Variants in SMOX observed in about 807,000 individuals in gnomAD.
SMOX encodes the protein spermine oxidase.
A neutral mutation model predicts 51.0 loss-of-function variants in SMOX; 22 were observed. That is an observed-to-expected ratio of 0.43 (90% confidence interval 0.31 to 0.62). SMOX has a LOEUF of 0.62. Ranked by LOEUF, SMOX falls within the 20% of genes least tolerant of loss-of-function variation. The pLI is 0.10. For missense variants in SMOX, 566 were observed against 777.7 expected (o/e 0.73, Z 3.24); for synonymous variants, 282 against 307.8 (o/e 0.92, Z 0.88).
intron 1 of SMOX, among the ~76,000 whole-genome samples, chr20:4,163,023 G>T (rs1986405966): frequency 6.6e-6 from 1 of 152,196 alleles, no homozygotes; most frequent in African/African-American, 2.4e-5. Flanking sequence ...GGCAGCAGCG[G>T]GGTGGAGGGA....
Position 4,181,411 on chromosome 20 carries a change from T to C in SMOX, c.436-392T>C, listed in dbSNP as rs1018932084. Reference sequence around the variant, plus strand: ...GCAGGGGTGGCAGGGAAAGTGCACGTATCGTTCTTGGAACAGGTAAATGTG... The same window carrying C: ...GCAGGGGTGGCAGGGAAAGTGCACGCATCGTTCTTGGAACAGGTAAATGTG... On this transcript the variant is annotated intron_variant, in intron 3 of 6. Coordinates refer to ENST00000305958, the MANE Select transcript of SMOX (RefSeq NM_175839.3). This position sits in a 1 kb window ranked among gnomAD's most constrained non-coding sequence, Gnocchi z 5.6. Among the ~76,000 whole-genome samples the C allele has an allele frequency of 1.3e-5, 2 of 152,148 alleles. No individual in the cohort carries two copies. The highest frequency in any genetic ancestry group is 2.4e-5 in the African/African-American group (1 of 41,434).
At position 4,175,269 on chromosome 20, in the gene SMOX, T is replaced by A; in HGVS notation, c.208+6T>A. On this transcript the variant is annotated splice_donor_region_variant and intron_variant, in intron 2 of 6. Coordinates refer to ENST00000305958, the MANE Select transcript of SMOX (RefSeq NM_175839.3). The stretch of plus-strand genomic sequence containing the variant: ...TGTGCAGAGTGTGAAACTTGGTAAG[T>A]GCCACCCAGTCCAGCCCAGCCACCT... 6.2e-7 allele frequency: 1 copy of A among 1,613,504 alleles called. No individual in the cohort carries two copies. Among genetic ancestry groups the A allele is most frequent in the Non-Finnish European group, 8.5e-7 (1 of 1,179,618 alleles).
At chr20:4,161,144 C>T (rs1230466294) in intron 1 of SMOX, among the ~76,000 whole-genome samples, 1 of 152,182 alleles carries the variant, frequency 6.6e-6, no homozygotes, top group Non-Finnish European at 1.5e-5. Context: ...GGAGAAGCCC[C>T]ACCGGGAAGC....
At position 4,181,533 on chromosome 20, in the gene SMOX, A is replaced by C. The variant is rs1979317968; in HGVS notation, c.436-270A>C. Among the ~76,000 whole-genome samples the C allele has an allele frequency of 6.6e-6, 1 of 152,190 alleles. No homozygotes were observed. Among genetic ancestry groups the C allele is most frequent in the African/African-American group, 2.4e-5 (1 of 41,446 alleles). ...TTTCCCACAGACTGTATGGGCACCA[A>C]ATGTTTCACATTGTCCTAAGTGAGG... On this transcript the variant is annotated intron_variant, in intron 3 of 6. Transcript: ENST00000305958. The surrounding 1 kb of genome is among the most constrained non-coding windows in gnomAD (Gnocchi z 5.6).
At chr20:4,174,324 G>C (rs28476650) in intron 1 of SMOX, among the ~76,000 whole-genome samples, 1 of 151,886 alleles carries the variant, frequency 6.6e-6, no homozygotes, top group Non-Finnish European at 1.5e-5. Flanking sequence ...CCTGGGATCT[G>C]TGTTGAGTAT....
intron 1 of SMOX, among the ~76,000 whole-genome samples, chr20:4,168,560 CTTT>C (rs543089733): frequency 1.4e-5 from 2 of 144,730 alleles, no homozygotes. Flanking sequence ...CTCTCTCTCT[CTTT>C]TTTTTTTTTT....
chr20:4,175,565 C>T (rs1437060839), intron 2 of SMOX, among the ~76,000 whole-genome samples: 1 of 152,144 alleles, frequency 6.6e-6, no homozygotes, highest in Non-Finnish European at 1.5e-5. Context: ...TTCTATTTCA[C>T]AAGAAGTGAA....
rs1229084022 is a variant in SMOX at position 4,168,947 on chromosome 20, T to TTTATTTTATTTTATTTTATG, written c.-26-6079_-26-6078insTTTATTTTATTTTATGTTAT. 4.5e-4 allele frequency among the ~76,000 whole-genome samples: 51 copies of TTTATTTTATTTTATTTTATG among 114,246 alleles called. 1 individual carries two copies. Among genetic ancestry groups the TTTATTTTATTTTATTTTATG allele is most frequent in the Non-Finnish European group, 7.8e-4 (42 of 53,886 alleles). The allele number at this position is 114,246 out of a possible 152,430, so 74.9% of individuals were successfully genotyped here. A position where few individuals can be genotyped will look rare whatever the true frequency, so the allele number is the denominator to read the frequency against. ...TTTATTTTATTTTATTTTATTTTAT[T>TTTATTTTATTTTATTTTATG]TTATGTTATTTTATTTTAGAGACAG... On this transcript the variant is annotated intron_variant, in intron 1 of 6. Transcript: ENST00000305958.
chr20:4,150,871 G>A (rs1345158460), intron 1 of SMOX, among the ~76,000 whole-genome samples: 16 of 120,636 alleles, frequency 1.3e-4, no homozygotes, highest in African/African-American at 4.5e-4. Context: ...CGCTCTTTTC[G>A]CCCAGGCTGG....
rs534210206 is a variant in SMOX, at chr20:4,181,038, T to A, written c.436-765T>A. ...TGCCCAGTGCTTAGTGGGGACTGTATATGAGACAGGCACGAGGGTCGGGCG... is the reference window on the plus strand; with the variant it reads ...TGCCCAGTGCTTAGTGGGGACTGTAAATGAGACAGGCACGAGGGTCGGGCG... On this transcript the variant is annotated intron_variant, in intron 3 of 6. Coordinates refer to ENST00000305958, the MANE Select transcript of SMOX (RefSeq NM_175839.3). This position sits in a 1 kb window ranked among gnomAD's most constrained non-coding sequence, Gnocchi z 5.6. 8.5e-5 allele frequency among the ~76,000 whole-genome samples: 13 copies of A among 152,310 alleles called. No homozygotes were observed. The South Asian group carries it at 1.9e-3, about 22-fold the overall frequency.
chr20:4,174,097 C>T (rs949525519), intron 1 of SMOX, among the ~76,000 whole-genome samples: 11 of 152,220 alleles, frequency 7.2e-5, no homozygotes, highest in African/African-American at 2.7e-4. Flanking sequence ...AACAACCTAC[C>T]CGGAATAGCA....
intron 1 of SMOX, among the ~76,000 whole-genome samples, chr20:4,163,976 G>A (rs1051223003): frequency 6.6e-6 from 1 of 152,208 alleles, no homozygotes; most frequent in African/African-American, 2.4e-5. Flanking sequence ...ATCCCAGGAG[G>A]TAGGGATCAT....
intron 1 of SMOX, among the ~76,000 whole-genome samples, chr20:4,169,701 C>G (rs6139347): frequency 6.6e-6 from 1 of 152,014 alleles, no homozygotes; most frequent in African/African-American, 2.4e-5. Context: ...AGAACCAGTA[C>G]GAGGGACTCA....
Position 4,177,505 on chromosome 20 carries a change from C to A in SMOX, c.363C>A (p.Ala121=), listed in dbSNP as rs6107418. Residue 121 remains alanine, a synonymous_variant, in exon 3 of 7, where the codon GCC becomes GCA. Transcript: ENST00000305958. The surrounding 1 kb of genome is among the most constrained non-coding windows in gnomAD (Gnocchi z 4.3). ...RISLYSKNGV[A]CYLTNHGRRI... ...GCCTCTATTCCAAGAATGGCGTGGC[C>A]TGCTACCTTACCAACCACGGCCGCA... 205 of 1,592,732 alleles carry A rather than the reference C, an allele frequency of 1.3e-4. 1 individual carries two copies. The African/African-American group carries it at 2.2e-3, about 17-fold the overall frequency.
intron 3 of SMOX, among the ~76,000 whole-genome samples, chr20:4,179,988 C>T (rs529340522): frequency 2.6e-5 from 4 of 152,260 alleles, no homozygotes; most frequent in South Asian, 2.1e-4. Context: ...AGAGTCATGT[C>T]GATGGACTAA....
chr20:4,176,542 A>T (rs1978869034), intron 2 of SMOX, among the ~76,000 whole-genome samples: 1 of 152,028 alleles, frequency 6.6e-6, no homozygotes, highest in Admixed American at 6.5e-5. Flanking sequence ...ACCCCCCAAA[A>T]TTTCTATTTT....
chr20:4,186,901 G>C (rs951092836), intron 6 of SMOX: 2 of 757,738 alleles, frequency 2.6e-6, no homozygotes, highest in African/African-American at 3.4e-5. Context: ...TTAGATACAT[G>C]ATTTCCCTTA....
At chr20:4,175,927 C>T (rs1350366565) in intron 2 of SMOX, 1 of 142,612 alleles carries the variant, frequency 7.0e-6, no homozygotes, top group East Asian at 2.0e-4. Context: ...GGTTTCTGAC[C>T]ATTGAGGGGT....
Position 4,181,983 on chromosome 20 carries a change from T to A in SMOX, c.609+7T>A. On this transcript the variant is annotated splice_region_variant and intron_variant, in intron 4 of 6. Transcript: ENST00000305958. This position sits in a 1 kb window ranked among gnomAD's most constrained non-coding sequence, Gnocchi z 5.6. ...GATCCAGCAGTACCTGAAGGTATCTTGAGGAAGACGGATTCTGGGGGCGTC... is the reference window on the plus strand; with the variant it reads ...GATCCAGCAGTACCTGAAGGTATCTAGAGGAAGACGGATTCTGGGGGCGTC... The A allele has an allele frequency of 6.2e-7, 1 of 1,613,528 alleles. No individual in the cohort carries two copies. The highest frequency in any genetic ancestry group is 8.5e-7 in the Non-Finnish European group (1 of 1,179,678).
Sources: allele counts gnomAD v4.1 joint callset (sites outside exome capture counted in the v4.1 genomes callset), GRCh38; gene constraint gnomAD v4.1.1; non-coding constraint Gnocchi (gnomAD v3.1); transcripts MANE v1.5; gene names NCBI Gene and HGNC (gene_info 2026-07-23, HGNC 2026-07-21).